UVRAG: variants seen among roughly 807,000 people sequenced by gnomAD.
UVRAG encodes the protein UV radiation resistance-associated gene protein.
Under a neutral mutation model 78.0 loss-of-function variants are expected in UVRAG, and 19 were observed. The observed-to-expected ratio is 0.24, with a 90% CI of 0.17 to 0.36. The LOEUF is 0.36. Ranked by LOEUF, UVRAG falls within the 10% of genes least tolerant of loss-of-function variation. The probability of loss-of-function intolerance (pLI) is 1.00; values close to 1 mark genes in which losing one functional copy is unlikely to be tolerated. For missense variants in UVRAG, 740 were observed against 853.8 expected, an observed-to-expected ratio of 0.87 and a Z score of 1.66; for synonymous variants, 323 against 324.6, an observed-to-expected ratio of 1.00 and a Z score of 0.05.
At chr11:75,976,964 G>C (rs1453684422) in intron 7 of UVRAG, among the ~76,000 whole-genome samples, 1 of 152,108 alleles carries the variant, frequency 6.6e-6, no homozygotes, top group Non-Finnish European at 1.5e-5. Flanking sequence ...TGATGTTAGG[G>C]TGTCAATTTT....
intron 12 of UVRAG, among the ~76,000 whole-genome samples, chr11:76,047,397 T>A (rs1470879002): frequency 6.6e-6 from 1 of 152,268 alleles, no homozygotes; most frequent in East Asian, 1.9e-4. Context: ...TCCTAGACAT[T>A]TATATTAGTC....
chr11:75,875,291 A>G (rs1471283100), intron 3 of UVRAG, among the ~76,000 whole-genome samples: 1 of 152,160 alleles, frequency 6.6e-6, no homozygotes, highest in Non-Finnish European at 1.5e-5. Context: ...TTTAGTGAGC[A>G]TATGTTAGTG....
At position 75,895,903 on chromosome 11, in the gene UVRAG, G is replaced by A. The variant is rs114109209; in HGVS notation, c.507+7000G>A. 4.9e-3 allele frequency among the ~76,000 whole-genome samples: 749 copies of A among 152,264 alleles called. 4 individuals are homozygous for A. Among genetic ancestry groups the A allele is most frequent in the African/African-American group, 0.016 (684 of 41,546 alleles). On this transcript the variant is annotated intron_variant, in intron 5 of 14. Transcript: ENST00000356136. ...TTTTTTTCCTGGCAAAAAATGTCAA[G>A]CGCCTACTACAAGCCTATTATTAAA... is the stretch of plus-strand genomic sequence containing the variant.
At chr11:76,079,187 A>G (rs1951454760) in intron 13 of UVRAG, among the ~76,000 whole-genome samples, 1 of 152,206 alleles carries the variant, frequency 6.6e-6, no homozygotes, top group African/African-American at 2.4e-5. Flanking sequence ...ATGATCAAAA[A>G]GGTTTTAAGA....
At chr11:75,949,714 T>TATATATACAC (rs59607906) in intron 6 of UVRAG, among the ~76,000 whole-genome samples, 11 of 136,872 alleles carry the variant, frequency 8.0e-5, no homozygotes, top group African/African-American at 2.9e-4. Flanking sequence ...TATATATATA[T>TATATATACAC]ACACACACAC....
intron 12 of UVRAG, among the ~76,000 whole-genome samples, chr11:76,041,365 C>G (rs1950645961): frequency 6.6e-6 from 1 of 152,174 alleles, no homozygotes; most frequent in Admixed American, 6.5e-5. Context: ...GAGGTATATC[C>G]AGCTGCTGCG....
Position 75,880,118 on chromosome 11 carries a change from T to A in UVRAG, c.432+78T>A, listed in dbSNP as rs11236573. ...TAACCTTTCTGTTGATTCTTCTGAT[T>A]CTGCGTTTCCTATTATAAAGAGAGA... On this transcript the variant is annotated intron_variant, in intron 4 of 14. Transcript: ENST00000356136. 1.7e-3 allele frequency: 2,671 copies of A among 1,533,146 alleles called. 38 individuals carry two copies. The East Asian group carries it at 0.038, about 22-fold the overall frequency. The allele number at this position is 1,533,146 out of a possible 1,614,324, so 95.0% of individuals were successfully genotyped here. A position where few individuals can be genotyped will look rare whatever the true frequency, so the allele number is the denominator to read the frequency against.
chr11:76,056,839 G>A (rs1950993659), intron 12 of UVRAG, among the ~76,000 whole-genome samples: 1 of 152,178 alleles, frequency 6.6e-6, no homozygotes, highest in African/African-American at 2.4e-5. Context: ...AGTCTAATCT[G>A]CCCTCAGTAA....
chr11:75,876,238 A>T (rs7107458), intron 3 of UVRAG, among the ~76,000 whole-genome samples: 8,077 of 152,206 alleles, frequency 0.053, 261 homozygotes, highest in African/African-American at 0.092. Context: ...ATCAGTCATT[A>T]TCAGAAATGG....
At chr11:76,078,046 A>T (rs1951433556) in intron 13 of UVRAG, among the ~76,000 whole-genome samples, 1 of 152,238 alleles carries the variant, frequency 6.6e-6, no homozygotes, top group Non-Finnish European at 1.5e-5. Context: ...ATGCAGTGCT[A>T]GCTAGTTCAG....
At chr11:75,870,469 T>C (rs373571790) in intron 3 of UVRAG, among the ~76,000 whole-genome samples, 21 of 152,360 alleles carry the variant, frequency 1.4e-4, no homozygotes, top group African/African-American at 4.3e-4. Flanking sequence ...CAAGTGTCAT[T>C]TTTTCACTTT....
chr11:75,968,664 G>A (rs1004516941), intron 7 of UVRAG, among the ~76,000 whole-genome samples: 3 of 152,200 alleles, frequency 2.0e-5, no homozygotes, highest in Non-Finnish European at 4.4e-5. Flanking sequence ...CCCTGGAATA[G>A]AGCAGGTTAT....
At chr11:76,048,096 G>A (rs1950796995) in intron 12 of UVRAG, among the ~76,000 whole-genome samples, 1 of 152,206 alleles carries the variant, frequency 6.6e-6, no homozygotes, top group African/African-American at 2.4e-5. Context: ...CACACTGGCT[G>A]ATTGATACAT....
intron 12 of UVRAG, among the ~76,000 whole-genome samples, chr11:76,064,029 T>C (rs1371571084): frequency 1.3e-5 from 2 of 152,198 alleles, no homozygotes; most frequent in Non-Finnish European, 2.9e-5. Flanking sequence ...TGTCTTTGCA[T>C]TGCCTTATCC....
At chr11:75,990,602 G>A (rs549459725) in intron 8 of UVRAG, among the ~76,000 whole-genome samples, 1 of 152,276 alleles carries the variant, frequency 6.6e-6, no homozygotes, top group African/African-American at 2.4e-5. Flanking sequence ...CAACCACACA[G>A]AACTCTTTTA....
At chr11:75,848,979 G>C (rs916090815) in intron 1 of UVRAG, among the ~76,000 whole-genome samples, 3 of 152,052 alleles carry the variant, frequency 2.0e-5, no homozygotes, top group Non-Finnish European at 4.4e-5. Context: ...AGGAGTTCGA[G>C]ACCAGCCTGG....
At chr11:75,974,646 G>C (rs529982724) in intron 7 of UVRAG, among the ~76,000 whole-genome samples, 3 of 151,888 alleles carry the variant, frequency 2.0e-5, no homozygotes, top group East Asian at 3.9e-4. Flanking sequence ...GATTACAGGC[G>C]TGAGCCACCG....
At chr11:76,091,016 G>A (rs1268407087) in intron 13 of UVRAG, among the ~76,000 whole-genome samples, 5 of 152,148 alleles carry the variant, frequency 3.3e-5, no homozygotes, top group African/African-American at 4.8e-5. Flanking sequence ...CTCTTTCTCA[G>A]TGTTCTCCCT....
intron 10 of UVRAG, among the ~76,000 whole-genome samples, chr11:76,008,052 C>T (rs575548551): frequency 2.4e-4 from 36 of 152,048 alleles, no homozygotes; most frequent in African/African-American, 7.0e-4. Context: ...GGACTGCAGG[C>T]GCCCGCCACC....
Sources: allele counts gnomAD v4.1 joint callset (sites outside exome capture counted in the v4.1 genomes callset), GRCh38; gene constraint gnomAD v4.1.1; transcripts MANE v1.5; gene names NCBI Gene and HGNC (gene_info 2026-07-23, HGNC 2026-07-21).